Variants in ZNF569 observed in about 807,000 individuals in gnomAD.
ZNF569 encodes the protein zinc finger protein 569, also known as DNA-binding protein.
Under a neutral mutation model 56.3 loss-of-function variants are expected in ZNF569, and 38 were observed. That is an observed-to-expected ratio of 0.68 (90% CI 0.52 to 0.88). The LOEUF is 0.88. ZNF569 is among the 40% of genes least tolerant of loss of function. The pLI, the probability that ZNF569 is intolerant of heterozygous loss-of-function variation, is 0.00. For synonymous variants in ZNF569, 241 were observed against 262.9 expected (o/e 0.92, Z 0.81); for missense variants, 666 against 809.2 (o/e 0.82, Z 2.15).
intron 3 of ZNF569, among the ~76,000 whole-genome samples, chr19:37,430,880 G>A (rs535024425): frequency 2.6e-5 from 4 of 152,290 alleles, no homozygotes; most frequent in South Asian, 2.1e-4. Flanking sequence ...CTGTGCACCC[G>A]CAGGAGGGAG....
At chr19:37,464,632 G>A (rs1293749527) in intron 2 of ZNF569, among the ~76,000 whole-genome samples, 1 of 152,124 alleles carries the variant, frequency 6.6e-6, no homozygotes, top group African/African-American at 2.4e-5. Flanking sequence ...AATAGGCTGT[G>A]CCATATAGCC....
At chr19:37,419,488 G>A (rs2040992969) in intron 5 of ZNF569, among the ~76,000 whole-genome samples, 1 of 152,104 alleles carries the variant, frequency 6.6e-6, no homozygotes. Context: ...TTGGGAGGCC[G>A]AGGTGGGTGA....
At chr19:37,417,792 A>T (rs1354905140) in intron 5 of ZNF569, among the ~76,000 whole-genome samples, 1 of 152,172 alleles carries the variant, frequency 6.6e-6, no homozygotes, top group African/African-American at 2.4e-5. Flanking sequence ...ATTACTTTTC[A>T]ACATATATCC....
chr19:37,430,957 AG>A (rs1479289718), intron 3 of ZNF569, among the ~76,000 whole-genome samples: 2 of 152,342 alleles, frequency 1.3e-5, no homozygotes, highest in East Asian at 3.9e-4. Flanking sequence ...AGGCAACACC[AG>A]GGAGAACCCA....
chr19:37,460,741 G>A, intron 2 of ZNF569, among the ~76,000 whole-genome samples: 1 of 151,322 alleles, frequency 6.6e-6, no homozygotes. Flanking sequence ...ACTCTAGCCT[G>A]GGCAATACAG....
upstream of ZNF569, chr19:37,469,105 T>A: frequency 9.5e-7 from 1 of 1,049,178 alleles, no homozygotes; most frequent in Non-Finnish European, 1.2e-6. Flanking sequence ...GCCCCGTCCC[T>A]GTGACCGGGC....
At chr19:37,458,950 A>G (rs2041715791) in intron 2 of ZNF569, among the ~76,000 whole-genome samples, 1 of 152,206 alleles carries the variant, frequency 6.6e-6, no homozygotes. Flanking sequence ...GAACCTGAAA[A>G]TAGAAACTTC....
At position 37,467,427 on chromosome 19, in the gene ZNF569, C is replaced by G. The variant is rs993190775; in HGVS notation, c.-548G>C. The G allele has an allele frequency of 5.9e-6, 1 of 169,596 alleles. No individual in the cohort carries two copies. Among genetic ancestry groups the G allele is most frequent in the African/African-American group, 2.4e-5 (1 of 41,878 alleles). The allele number at this position is 169,596 out of a possible 1,614,324, so 10.5% of individuals were successfully genotyped here. A position where few individuals can be genotyped will look rare whatever the true frequency, so the allele number is the denominator to read the frequency against. On this transcript the variant is annotated 5_prime_UTR_variant, in exon 1 of 6. Coordinates refer to ENST00000316950, the MANE Select transcript of ZNF569 (RefSeq NM_152484.3). The stretch of plus-strand genomic sequence containing the variant: ...AACTTGGTGCTGAGAAGAATCGAAT[C>G]GTTCCGCTGCTTCCTGCGCCGAACT...
chr19:37,454,152 A>G (rs951902809), intron 2 of ZNF569, among the ~76,000 whole-genome samples: 7 of 152,118 alleles, frequency 4.6e-5, no homozygotes, highest in African/African-American at 1.7e-4. Flanking sequence ...CTTCAATAAT[A>G]TCCTCTAATA....
chr19:37,412,760 G>C lies in ZNF569; in HGVS notation c.1898C>G (p.Pro633Arg). The change falls in exon 6 of 6, where the codon CCC (proline) becomes CGC (arginine). Residue 633 changes from proline (P) to arginine (R), a missense_variant. Coordinates refer to ENST00000316950, the MANE Select transcript of ZNF569 (RefSeq NM_152484.3). ...IHIRGHTGEK[P>R]FDCSKCGKAF... ...TTTTCCACATTTACTACAGTCGAAG[G>C]GTTTCTCACCTGTATGTCCTCGTAT... The C allele has an allele frequency of 6.2e-7, 1 of 1,613,978 alleles. No individual in the cohort carries two copies.
At chr19:37,415,646 G>A (rs891448623) in intron 5 of ZNF569, among the ~76,000 whole-genome samples, 9 of 151,244 alleles carry the variant, frequency 6.0e-5, no homozygotes, top group South Asian at 4.2e-4. Flanking sequence ...CAAGGCGGGC[G>A]GATCGCGAGG....
At chr19:37,469,258 C>G (rs1289639587), upstream of ZNF569, 12 of 1,394,018 alleles carry the variant, frequency 8.6e-6, no homozygotes, top group Non-Finnish European at 1.1e-5. Flanking sequence ...ACTGCGACGC[C>G]GCGACCTTTT....
intron 2 of ZNF569, chr19:37,454,718 A>G: frequency 1.6e-6 from 1 of 643,156 alleles, no homozygotes; most frequent in Non-Finnish European, 2.8e-6. Context: ...AGCCTACAAG[A>G]GACTGCAACC....
At chr19:37,464,467 C>A (rs758012206) in intron 2 of ZNF569, among the ~76,000 whole-genome samples, 4 of 152,118 alleles carry the variant, frequency 2.6e-5, no homozygotes, top group Non-Finnish European at 5.9e-5. Context: ...GGGATTCCAC[C>A]GCGCCTGGCC....
chr19:37,420,512 G>A (rs1438387735), intron 5 of ZNF569, among the ~76,000 whole-genome samples: 1 of 152,116 alleles, frequency 6.6e-6, no homozygotes, highest in Non-Finnish European at 1.5e-5. Context: ...ACCAGGAGTA[G>A]ATCCTAAAGA....
At chr19:37,416,500 A>T (rs978518941) in intron 5 of ZNF569, among the ~76,000 whole-genome samples, 1 of 152,164 alleles carries the variant, frequency 6.6e-6, no homozygotes, top group Admixed American at 6.5e-5. Flanking sequence ...TGGATGCTCA[A>T]TGCCTTACAT....
intron 3 of ZNF569, among the ~76,000 whole-genome samples, chr19:37,441,315 T>A (rs1248820309): frequency 6.6e-6 from 1 of 152,098 alleles, no homozygotes; most frequent in Non-Finnish European, 1.5e-5. Context: ...AGCTTTCAGT[T>A]CCCATGTAGC....
At chr19:37,451,070 G>A (rs974345487) in intron 2 of ZNF569, among the ~76,000 whole-genome samples, 3 of 152,094 alleles carry the variant, frequency 2.0e-5, no homozygotes, top group Admixed American at 6.6e-5. Flanking sequence ...CATGTGTACT[G>A]GAGAAGAATA....
At chr19:37,426,443 T>C (rs760622871) in intron 3 of ZNF569, 65 bp from the exon 4 acceptor site, 80 of 1,481,826 alleles carry the variant, frequency 5.4e-5, no homozygotes, top group Non-Finnish European at 6.8e-5. Context: ...ACAAAATATA[T>C]TGAACCTTGT....
Sources: allele counts gnomAD v4.1 joint callset (sites outside exome capture counted in the v4.1 genomes callset), GRCh38; gene constraint gnomAD v4.1.1; transcripts MANE v1.5; gene names NCBI Gene and HGNC (gene_info 2026-07-23, HGNC 2026-07-21).